Variants in CELF1 observed in about 807,000 individuals in gnomAD.
CELF1 encodes the protein 50 kDa nuclear polyadenylated RNA-binding protein.
Under a neutral mutation model 61.8 loss-of-function variants are expected in CELF1, and 10 were observed. The ratio of observed to expected loss-of-function variants is 0.16; its 90% confidence interval spans 0.10 to 0.27. The LOEUF is 0.27. Ranked by LOEUF, CELF1 falls within the 10% of genes least tolerant of loss-of-function variation. The pLI, the probability that CELF1 is intolerant of heterozygous loss-of-function variation, is 1.00. For synonymous variants in CELF1, 236 were observed against 225.1 expected (o/e 1.05, Z -0.43); for missense variants, 380 against 639.1 (o/e 0.59, Z 4.37).
At chr11:47,533,577 C>T (rs1308630449) in intron 1 of CELF1, among the ~76,000 whole-genome samples, 1 of 152,036 alleles carries the variant, frequency 6.6e-6, no homozygotes, top group Non-Finnish European at 1.5e-5. Context: ...GAGCTGAGAT[C>T]GCACCACCGC....
chr11:47,547,064 T>A (rs1239900733), intron 1 of CELF1, among the ~76,000 whole-genome samples: 2 of 1,144 alleles, frequency 1.7e-3, no homozygotes, highest in African/African-American at 6.2e-3. Flanking sequence ...AAACTCCACC[T>A]CAAAAAAAAA....
At chr11:47,507,829 C>A (rs1048079572) in intron 1 of CELF1, among the ~76,000 whole-genome samples, 4 of 152,024 alleles carry the variant, frequency 2.6e-5, no homozygotes, top group African/African-American at 9.7e-5. Context: ...ACTTTTCATG[C>A]AGATTTAATT....
upstream of CELF1, among the ~76,000 whole-genome samples, chr11:47,553,315 G>A (rs958789873): frequency 1.3e-5 from 2 of 152,150 alleles, no homozygotes; most frequent in African/African-American, 4.8e-5. Context: ...AAGTGGAGGA[G>A]CAGCCGCACC....
intron 1 of CELF1, among the ~76,000 whole-genome samples, chr11:47,533,455 C>T (rs911278502): frequency 6.6e-6 from 1 of 152,076 alleles, no homozygotes; most frequent in Non-Finnish European, 1.5e-5. Context: ...AACCCCCTCT[C>T]TACTAAAATA....
intron 1 of CELF1, among the ~76,000 whole-genome samples, chr11:47,543,144 C>T (rs1024164923): frequency 2.0e-5 from 3 of 152,122 alleles, no homozygotes; most frequent in Non-Finnish European, 2.9e-5. Flanking sequence ...TAGCTCATGC[C>T]TGTAATCCCA....
chr11:47,548,228 G>A (rs1299362729), intron 1 of CELF1, among the ~76,000 whole-genome samples: 3 of 152,068 alleles, frequency 2.0e-5, no homozygotes, highest in African/African-American at 7.2e-5. Flanking sequence ...GAACCAGGGC[G>A]ACAGAGATTG....
chr11:47,489,422 T>C (rs1015033798), intron 3 of CELF1, among the ~76,000 whole-genome samples: 10 of 152,228 alleles, frequency 6.6e-5, no homozygotes, highest in Non-Finnish European at 1.2e-4. Flanking sequence ...CAAAGGACTA[T>C]TGATTACAAA....
chr11:47,537,401 C>T (rs1296793264), intron 1 of CELF1, among the ~76,000 whole-genome samples: 1 of 152,038 alleles, frequency 6.6e-6, no homozygotes, highest in Non-Finnish European at 1.5e-5. Context: ...GCACACACCA[C>T]CACATTCAAC....
chr11:47,484,650 C>T, intron 6 of CELF1, 127 bp from the exon 7 acceptor site: 1 of 728,602 alleles, frequency 1.4e-6, no homozygotes, highest in Non-Finnish European at 2.2e-6. Flanking sequence ...TTCAAAGACA[C>T]ACATTTGTTT....
At chr11:47,483,280 G>A (rs2084549542) in intron 8 of CELF1, among the ~76,000 whole-genome samples, 173 bp downstream of exon 8, 1 of 152,030 alleles carries the variant, frequency 6.6e-6, no homozygotes, top group South Asian at 2.1e-4. Flanking sequence ...AAGGGGTAGG[G>A]AGAGCATTTC....
intron 1 of CELF1, among the ~76,000 whole-genome samples, chr11:47,551,206 T>A (rs1248178283): frequency 6.6e-6 from 1 of 152,062 alleles, no homozygotes; most frequent in Non-Finnish European, 1.5e-5. Context: ...AAGAAAACCC[T>A]GGGTTTTCTT....
chr11:47,507,111 C>A (rs561035027), intron 1 of CELF1, among the ~76,000 whole-genome samples: 4 of 152,264 alleles, frequency 2.6e-5, no homozygotes, highest in Non-Finnish European at 5.9e-5. Context: ...TCAACTTAAA[C>A]GATGGGGGAA....
chr11:47,525,193 T>G (rs1331365850), intron 1 of CELF1, among the ~76,000 whole-genome samples: 1 of 152,230 alleles, frequency 6.6e-6, no homozygotes, highest in Non-Finnish European at 1.5e-5. Flanking sequence ...TGTTTTGAGC[T>G]CTTTTTTATT....
intron 1 of CELF1, among the ~76,000 whole-genome samples, chr11:47,521,913 A>AT (rs35862688): frequency 0.35 from 51,660 of 146,322 alleles, 9,922 homozygotes; most frequent in South Asian, 0.52. Context: ...AGCTATGCTG[A>AT]TTTTTTTTTT....
At chr11:47,502,193 C>A (rs926935294) in intron 1 of CELF1, among the ~76,000 whole-genome samples, 1 of 152,196 alleles carries the variant, frequency 6.6e-6, no homozygotes, top group Non-Finnish European at 1.5e-5. Flanking sequence ...CCCATAAATT[C>A]TCTGTGCTTA....
intron 1 of CELF1, among the ~76,000 whole-genome samples, chr11:47,526,180 T>C (rs944003757): frequency 6.6e-6 from 1 of 151,936 alleles, no homozygotes; most frequent in African/African-American, 2.4e-5. Context: ...AAATACAAAA[T>C]TAGCCAGGTG....
chr11:47,515,579 GAATGTGACT>G lies in CELF1; in HGVS notation c.-153-14656_-153-14648del, dbSNP rs1443255627. ...ACCATATGTTAGTACCATGTAGGCA[GAATGTGACT>G]AATTTTTTTCTCAAGCCCTGTCAGA... On this transcript the variant is annotated intron_variant, in intron 1 of 14. Transcript: ENST00000687097. 8.5e-5 allele frequency among the ~76,000 whole-genome samples: 13 copies of G among 152,316 alleles called. 2 individuals are homozygous for G. Among genetic ancestry groups the G allele is most frequent in the African/African-American group, 3.1e-4 (13 of 41,572 alleles).
chr11:47,565,516 G>A (rs1018992732), upstream of CELF1: 10 of 1,006,694 alleles, frequency 9.9e-6, no homozygotes, highest in African/African-American at 8.5e-5. Flanking sequence ...GCGAGCCCGC[G>A]AGAGGCCTAG....
intron 1 of CELF1, among the ~76,000 whole-genome samples, chr11:47,511,818 A>AG (rs111884713): frequency 0.016 from 2,422 of 152,226 alleles, 50 homozygotes; most frequent in African/African-American, 0.048. Flanking sequence ...ACCCACAGAA[A>AG]GTCTGTTTAA....
Sources: allele counts gnomAD v4.1 joint callset (sites outside exome capture counted in the v4.1 genomes callset), GRCh38; gene constraint gnomAD v4.1.1; transcripts MANE v1.5; gene names NCBI Gene and HGNC (gene_info 2026-07-23, HGNC 2026-07-21).